The following PZP variants were observed in gnomAD, a reference collection of about 807,000 sequenced individuals.
PZP encodes PZP alpha-2-macroglobulin like.
Under a neutral mutation model 179.8 loss-of-function variants are expected in PZP, and 150 were observed. The observed-to-expected ratio is 0.83, with a 90% CI of 0.73 to 0.96. PZP has a LOEUF of 0.96. Among genes scored for constraint, PZP ranks in the 40% least tolerant of loss-of-function variants. PZP has a pLI of 0.00. For missense variants in PZP, 1,689 were observed against 1,764.0 expected, an observed-to-expected ratio of 0.96 and a Z score of 0.76; for synonymous variants, 624 against 652.3, an observed-to-expected ratio of 0.96 and a Z score of 0.66.
At chr12:9,162,753 T>TAA in intron 21 of PZP, 105 bp from the exon 22 acceptor site, 1 of 911,202 alleles carries the variant, frequency 1.1e-6, no homozygotes, top group Non-Finnish European at 1.7e-6. Context: ...GAATGATGTT[T>TAA]ACCATCCTAC....
intron 28 of PZP, 106 bp from the exon 29 acceptor site, chr12:9,154,945 G>A: frequency 8.9e-7 from 1 of 1,126,138 alleles, no homozygotes; most frequent in Non-Finnish European, 1.3e-6. Context: ...AATAATACAG[G>A]AGAAGCAAGG....
At position 9,149,008 on chromosome 12, in the gene PZP, A is replaced by G. The variant is rs1376609385; in HGVS notation, c.4427-14T>C. 1 of 1,609,818 alleles carries G rather than the reference A, an allele frequency of 6.2e-7. No homozygotes were observed. ...CATGCTCTGTATCTATGGAGAAAAGAAAAACGTAAGGAGGTTGTATCATTT... is the reference window on the plus strand; with the variant it reads ...CATGCTCTGTATCTATGGAGAAAAGGAAAACGTAAGGAGGTTGTATCATTT... On this transcript the variant is annotated splice_polypyrimidine_tract_variant and intron_variant, in intron 35 of 35. Coordinates refer to ENST00000261336, the MANE Select transcript of PZP (RefSeq NM_002864.3).
At chr12:9,155,492 ATTGTTG>A (rs5796340) in intron 28 of PZP, among the ~76,000 whole-genome samples, 2 of 151,274 alleles carry the variant, frequency 1.3e-5, no homozygotes, top group African/African-American at 4.9e-5. Context: ...TGTTGTTGTT[ATTGTTG>A]TTGTTGTTGT....
intron 17 of PZP, among the ~76,000 whole-genome samples, chr12:9,168,146 G>A (rs745583280): frequency 2.6e-5 from 4 of 152,262 alleles, no homozygotes; most frequent in Admixed American, 6.5e-5. Flanking sequence ...CTTATTGGGC[G>A]TTTTGCAAGG....
Position 9,151,592 on chromosome 12 carries a change from C to G in PZP, c.4281+12G>C. The G allele has an allele frequency of 6.2e-7, 1 of 1,611,402 alleles. No homozygotes were observed. The highest frequency in any genetic ancestry group is 1.1e-5 in the South Asian group (1 of 90,820). On this transcript the variant is annotated intron_variant, in intron 33 of 35. Transcript: ENST00000261336. Reference sequence around the variant, plus strand: ...CCATATGTAGTCTCAGCCAGGATGTCAGAGCCCTCACCTGTTCCACATAAA... The same window carrying G: ...CCATATGTAGTCTCAGCCAGGATGTGAGAGCCCTCACCTGTTCCACATAAA...
chr12:9,165,442 T>A (rs1044906734), intron 18 of PZP, 75 bp from the exon 19 acceptor site: 10 of 1,524,562 alleles, frequency 6.6e-6, no homozygotes, highest in Non-Finnish European at 9.0e-6. Flanking sequence ...TTAATATGCA[T>A]AAAGCTAACG....
chr12:9,200,139 A>G (rs1180180276), intron 7 of PZP, among the ~76,000 whole-genome samples: 1 of 152,214 alleles, frequency 6.6e-6, no homozygotes, highest in African/African-American at 2.4e-5. Flanking sequence ...AGCAAAATAT[A>G]TGATGAAACA....
Position 9,160,336 on chromosome 12 carries a change from C to T in PZP, c.3027G>A (p.Lys1009=), listed in dbSNP as rs768360733. The change falls in exon 24 of 36, where the codon AAG becomes AAA. Residue 1009 remains lysine, a synonymous_variant. Transcript: ENST00000261336. ...TQQLTQEIKA[K]AVGYLITGYQ... ...TACCAGTGATGAGATAGCCAACGGC[C>T]TTGGCCTTGATCTCCTGCGTCAGCT... 5.0e-6 allele frequency: 8 copies of T among 1,613,482 alleles called. No individual in the cohort carries two copies. Among genetic ancestry groups the T allele is most frequent in the Admixed American group, 1.7e-5 (1 of 59,848 alleles).
intron 24 of PZP, 40 bp downstream of exon 24, chr12:9,160,274 C>T: frequency 6.4e-7 from 1 of 1,551,582 alleles, no homozygotes; most frequent in Non-Finnish European, 8.7e-7. Flanking sequence ...GGAAAAGTTT[C>T]ATTAGAGTAA....
At chr12:9,192,478 A>G in intron 12 of PZP, 34 bp downstream of exon 12, 2 of 1,575,846 alleles carry the variant, frequency 1.3e-6, no homozygotes, top group Non-Finnish European at 1.7e-6. Context: ...TCCTACTGAT[A>G]AGCTGCAATT....
rs139101206 is a variant in PZP at position 9,158,523 on chromosome 12, A to G, written c.3191T>C (p.Ile1064Thr). The G allele has an allele frequency of 5.3e-5, 86 of 1,614,146 alleles. No individual in the cohort carries two copies. In the African/African-American group the frequency reaches 5.3e-4, roughly 10 times the overall value. Residue 1064 changes from isoleucine to threonine, a missense_variant, in exon 26 of 36, where the codon ATT (isoleucine) becomes ACT (threonine). Transcript: ENST00000261336. ...TFAQARSYIFIDEAHITQSLT... is the reference protein window; with the variant it reads ...TFAQARSYIFTDEAHITQSLT... Reference sequence around the variant, plus strand: ...AGATTGGGTAATGTGTGCTTCATCAATGAAGATGTAGGATCGAGCCTGGGC... The same window carrying G: ...AGATTGGGTAATGTGTGCTTCATCAGTGAAGATGTAGGATCGAGCCTGGGC...
At position 9,181,055 on chromosome 12, in the gene PZP, G is replaced by A; in HGVS notation, c.1767C>T (p.Ser589=). The change falls in exon 15 of 36, where the codon TCC becomes TCT. Residue 589 remains serine (S), a synonymous_variant. Transcript: ENST00000261336. The part of the protein sequence containing the change: ...AHLQVAAAPQ[S]LCALRAVDQS... ...GGTCCACAGCACGAAGGGCACAGAG[G>A]GACTGCGGAGCAGCTGCTACTTGCA... 6.2e-7 allele frequency: 1 copy of A among 1,614,160 alleles called. No individual in the cohort carries two copies. Among genetic ancestry groups the A allele is most frequent in the South Asian group, 1.1e-5 (1 of 91,076 alleles).
chr12:9,182,557 A>T (rs991165729), intron 13 of PZP, among the ~76,000 whole-genome samples: 1 of 152,234 alleles, frequency 6.6e-6, no homozygotes, highest in African/African-American at 2.4e-5. Context: ...TGTAAAAAAA[A>T]GTTCATACTA....
intron 2 of PZP, among the ~76,000 whole-genome samples, chr12:9,203,455 C>T (rs1367798009): frequency 2.6e-5 from 4 of 151,420 alleles, no homozygotes; most frequent in African/African-American, 9.7e-5. Flanking sequence ...CATTCTCCTG[C>T]CTCAGCCTCC....
At chr12:9,142,571 G>A in the PZP span, among the ~76,000 whole-genome samples, 3 of 152,146 alleles carry the variant, frequency 2.0e-5, no homozygotes, top group Non-Finnish European at 4.4e-5. Flanking sequence ...TTTGATTTAA[G>A]CACTTATTTT....
At chr12:9,200,026 C>CGTGT (rs1944060119) in intron 7 of PZP, among the ~76,000 whole-genome samples, 1 of 152,054 alleles carries the variant, frequency 6.6e-6, no homozygotes, top group African/African-American at 2.4e-5. Flanking sequence ...GTTAAGTGAT[C>CGTGT]GTGTTGTCGC....
rs1035128238 is a variant in PZP, at chr12:9,150,947, A to G, written c.4282-201T>C. Among the ~76,000 whole-genome samples, 23 of 152,220 alleles carry G rather than the reference A, an allele frequency of 1.5e-4. 1 individual carries two copies. The highest frequency in any genetic ancestry group is 2.9e-5 in the Non-Finnish European group (2 of 68,044). On this transcript the variant is annotated intron_variant, in intron 33 of 35. Transcript: ENST00000261336. ...AACAAATTTTCACAGATTTTCTTCT[A>G]AACAACTGAGCCAACCCTATTCTTT... is the stretch of plus-strand genomic sequence containing the variant.
At chr12:9,195,027 A>G (rs1018849249) in intron 10 of PZP, among the ~76,000 whole-genome samples, 1 of 152,164 alleles carries the variant, frequency 6.6e-6, no homozygotes, top group South Asian at 2.1e-4. Context: ...AATACATTAG[A>G]GGAGTAGGGC....
chr12:9,183,142 C>T (rs774881354), intron 13 of PZP, among the ~76,000 whole-genome samples: 33 of 152,228 alleles, frequency 2.2e-4, no homozygotes, highest in Admixed American at 7.2e-4. Flanking sequence ...AAAATTAAGT[C>T]TAATACCCTT....
Sources: gnomAD v4.1 joint callset for allele counts (sites outside exome capture counted in the v4.1 genomes callset) on GRCh38, gnomAD v4.1.1 for gene constraint, MANE v1.5 for transcripts, NCBI Gene and HGNC (gene_info 2026-07-23, HGNC 2026-07-21) for gene names.